STXBP3: variants seen among roughly 807,000 people sequenced by gnomAD.
STXBP3 encodes syntaxin-binding protein 3.
In STXBP3, 41 loss-of-function variants were observed where a neutral mutation model predicts 85.7. The ratio of observed to expected loss-of-function variants is 0.48; its 90% CI spans 0.37 to 0.62. The LOEUF (loss-of-function observed/expected upper bound fraction) is 0.62. Ranked by LOEUF, STXBP3 falls within the 20% of genes least tolerant of loss-of-function variation. STXBP3 has a pLI of 0.00. For missense variants in STXBP3, 563 were observed against 703.1 expected, an observed-to-expected ratio of 0.80 and a Z score of 2.25; for synonymous variants, 229 against 231.7, an observed-to-expected ratio of 0.99 and a Z score of 0.10.
chr1:108,751,660 T>C (rs545444475), intron 1 of STXBP3, among the ~76,000 whole-genome samples: 3 of 152,254 alleles, frequency 2.0e-5, no homozygotes, highest in African/African-American at 7.2e-5. Flanking sequence ...GTATAAATTG[T>C]CCACATGAAT....
In STXBP3 at chr1:108,772,782, G is replaced by T. The variant is rs1340338762; in HGVS notation, c.556G>T (p.Ala186Ser). 2 of 1,600,280 alleles carry T rather than the reference G, an allele frequency of 1.2e-6. No individual in the cohort carries two copies. The highest frequency in any genetic ancestry group is 1.3e-5 in the African/African-American group (1 of 74,224). Reference sequence around the variant, plus strand: ...GGCTGACCAGATAGTTACAGTGTGTGCCACCTTGGATGAAAATCCCGGAGT... The same window carrying T: ...GGCTGACCAGATAGTTACAGTGTGTTCCACCTTGGATGAAAATCCCGGAGT... ...TMADQIVTVC[A>S]TLDENPGVRY... Residue 186 changes from alanine to serine, a missense_variant, in exon 7 of 19, where the codon GCC (alanine) becomes TCC (serine). Ala to Ser is a moderately conservative substitution (Grantham distance 99). This residue lies in a region of STXBP3 where 494 missense variants were observed against 592.8 expected (regional missense o/e 0.83). Coordinates refer to ENST00000370008, the MANE Select transcript of STXBP3 (RefSeq NM_007269.4).
At chr1:108,764,686 G>A (rs763302321) in intron 6 of STXBP3, among the ~76,000 whole-genome samples, 22 of 152,138 alleles carry the variant, frequency 1.4e-4, no homozygotes, top group Non-Finnish European at 2.9e-4. Context: ...TGGGTCACCT[G>A]TATGTCTTTT....
At chr1:108,746,827 G>A (rs1162103801) in intron 1 of STXBP3, 41 bp downstream of exon 1, 2 of 1,542,862 alleles carry the variant, frequency 1.3e-6, no homozygotes, top group Admixed American at 2.0e-5. Flanking sequence ...GGAAGGCCGG[G>A]AGGCTGCCGT....
At chr1:108,766,996 C>A in intron 6 of STXBP3, 1 of 495,496 alleles carries the variant, frequency 2.0e-6, no homozygotes. Context: ...TTGAGACCCC[C>A]TTGTGTGTCA....
At chr1:108,751,040 A>C (rs1451313847) in intron 1 of STXBP3, among the ~76,000 whole-genome samples, 1 of 152,152 alleles carries the variant, frequency 6.6e-6, no homozygotes, top group African/African-American at 2.4e-5. Flanking sequence ...GAGCTCTCCA[A>C]ACTCTCTTAA....
At position 108,776,646 on chromosome 1, in the gene STXBP3, G is replaced by A. The variant is rs528106391; in HGVS notation, c.684+223G>A. On this transcript the variant is annotated intron_variant, in intron 8 of 18. Transcript: ENST00000370008. ...ACTAACAGATTTTGAAGTCAGCACT[G>A]TGTCCAAATCTAGTTCTGCCGTTTA... Among the ~76,000 whole-genome samples the A allele has an allele frequency of 2.6e-5, 4 of 152,236 alleles. No homozygotes were observed. The South Asian group carries it at 6.2e-4, about 24-fold the overall frequency.
intron 6 of STXBP3, among the ~76,000 whole-genome samples, chr1:108,771,033 A>T (rs1321818608): frequency 6.6e-6 from 1 of 152,024 alleles, no homozygotes; most frequent in African/African-American, 2.4e-5. Context: ...GTTAAGGTTT[A>T]TAATTTATGT....
rs780014775 is a variant in STXBP3 at position 108,746,706 on chromosome 1, G to C, written c.-32G>C. ...CGGCCAAAGTAGGTTGGGAGTGGAA[G>C]GTGGTGGCTGCTGCTCCGCAGTGTC... On this transcript the variant is annotated 5_prime_UTR_variant, in exon 1 of 19. Transcript: ENST00000370008. 3 of 1,547,816 alleles carry C rather than the reference G, an allele frequency of 1.9e-6. No individual in the cohort carries two copies. The African/African-American group carries it at 4.1e-5, about 21-fold the overall frequency.
intron 11 of STXBP3, among the ~76,000 whole-genome samples, chr1:108,783,472 T>C (rs1039350808): frequency 6.6e-6 from 1 of 152,226 alleles, no homozygotes; most frequent in African/African-American, 2.4e-5. Context: ...GAGATTCACC[T>C]GTGTTACGTA....
At chr1:108,748,292 G>A (rs1661834832) in intron 1 of STXBP3, among the ~76,000 whole-genome samples, 1 of 152,144 alleles carries the variant, frequency 6.6e-6, no homozygotes, top group South Asian at 2.1e-4. Context: ...CCAACACTTT[G>A]GGAGGCCGGG....
intron 6 of STXBP3, among the ~76,000 whole-genome samples, chr1:108,764,231 C>T (rs1662208472): frequency 1.3e-5 from 2 of 152,088 alleles, no homozygotes; most frequent in South Asian, 2.1e-4. Context: ...TTTTTTATGG[C>T]TGCTTAGTAT....
intron 8 of STXBP3, among the ~76,000 whole-genome samples, chr1:108,778,292 T>C (rs1662631382): frequency 6.6e-6 from 1 of 152,224 alleles, no homozygotes; most frequent in Non-Finnish European, 1.5e-5. Context: ...TTTATTACTT[T>C]TTAAAATGAA....
At chr1:108,758,648 G>A (rs776543615) in intron 5 of STXBP3, 60 bp downstream of exon 5, 32 of 1,002,886 alleles carry the variant, frequency 3.2e-5, no homozygotes, top group Non-Finnish European at 4.4e-5. Flanking sequence ...TTAAACTGTC[G>A]ACTTTTTAAA....
intron 3 of STXBP3, among the ~76,000 whole-genome samples, chr1:108,754,011 T>C (rs543065284): frequency 3.6e-4 from 54 of 151,574 alleles, no homozygotes; most frequent in African/African-American, 1.2e-3. Flanking sequence ...ATTTATGTTT[T>C]GATGTTTACA....
chr1:108,763,504 T>C (rs536087470), intron 6 of STXBP3, among the ~76,000 whole-genome samples: 1 of 152,236 alleles, frequency 6.6e-6, no homozygotes. Flanking sequence ...GAAAAACAGA[T>C]AAGGCAGATG....
chr1:108,772,497 C>CTATATATAATATATAAATACATGATATA (rs1662487123), intron 6 of STXBP3, among the ~76,000 whole-genome samples, 168 bp from the exon 7 acceptor site: 3 of 136,438 alleles, frequency 2.2e-5, no homozygotes, highest in African/African-American at 8.7e-5. Flanking sequence ...TACATGATAT[C>CTATATATAATATATAAATACATGATATA]TATCTATATA....
chr1:108,758,331 C>T (rs1662062370), intron 4 of STXBP3, among the ~76,000 whole-genome samples, 179 bp from the exon 5 acceptor site: 1 of 151,224 alleles, frequency 6.6e-6, no homozygotes, highest in South Asian at 2.1e-4. Flanking sequence ...ACCTTACTAC[C>T]TTATTAGCTA....
At chr1:108,752,938 C>A in intron 2 of STXBP3, 125 bp from the exon 3 acceptor site, 1 of 571,104 alleles carries the variant, frequency 1.8e-6, no homozygotes, top group Non-Finnish European at 2.9e-6. Flanking sequence ...AAGATGAGAT[C>A]ATTTTGCCTA....
At chr1:108,779,202 G>T (rs1759481) in intron 8 of STXBP3, 84 bp from the exon 9 acceptor site, 1,048,449 of 1,415,350 alleles carry the variant, frequency 0.74, 397,561 homozygotes, top group Non-Finnish European at 0.78. Flanking sequence ...TTAGGAAAAG[G>T]GTGCTTTGTA....
Sources: allele counts gnomAD v4.1 joint callset (sites outside exome capture counted in the v4.1 genomes callset), GRCh38; gene constraint gnomAD v4.1.1; regional missense constraint gnomAD v4.1.1; transcripts MANE v1.5; gene names NCBI Gene and HGNC (gene_info 2026-07-23, HGNC 2026-07-21).